The following TNS3 variants were observed in gnomAD, a reference collection of about 807,000 sequenced individuals.
TNS3 encodes the protein tensin 3, also known as tensin-3.
A neutral mutation model predicts 140.9 loss-of-function variants in TNS3; 45 were observed. The ratio of observed to expected loss-of-function variants is 0.32; its 90% CI spans 0.25 to 0.41. The LOEUF (loss-of-function observed/expected upper bound fraction) is 0.41. Among genes scored for constraint, TNS3 ranks in the 10% least tolerant of loss-of-function variants. The probability of loss-of-function intolerance (pLI) is 1.00; values close to 1 mark genes in which losing one functional copy is unlikely to be tolerated. For missense variants in TNS3, 1,716 were observed against 1,906.7 expected, an observed-to-expected ratio of 0.90 and a Z score of 1.86; for synonymous variants, 815 against 788.4, an observed-to-expected ratio of 1.03 and a Z score of -0.56.
chr7:47,324,724 C>T (rs1034669017), intron 20 of TNS3, among the ~76,000 whole-genome samples: 2 of 152,128 alleles, frequency 1.3e-5, no homozygotes, highest in Non-Finnish European at 2.9e-5. Flanking sequence ...TGCACTCTGG[C>T]TTGGGCAACA....
At chr7:47,289,999 T>G (rs967172887) in intron 27 of TNS3, among the ~76,000 whole-genome samples, 21 of 152,138 alleles carry the variant, frequency 1.4e-4, no homozygotes. Flanking sequence ...AGGATTACTA[T>G]AAAGCTAAAG....
chr7:47,482,445 A>G (rs1255547740), intron 3 of TNS3, among the ~76,000 whole-genome samples: 1 of 151,794 alleles, frequency 6.6e-6, no homozygotes, highest in Non-Finnish European at 1.5e-5. Context: ...TGATGAATGG[A>G]TGAGAGAATA....
At chr7:47,302,795 G>C (rs533127641) in intron 22 of TNS3, among the ~76,000 whole-genome samples, 155 bp downstream of exon 22, 1 of 152,206 alleles carries the variant, frequency 6.6e-6, no homozygotes, top group South Asian at 2.1e-4. Context: ...GGTTTTGGAC[G>C]AGGAAAATGG....
chr7:47,561,761 C>T (rs991310788), intron 1 of TNS3, among the ~76,000 whole-genome samples: 4 of 152,216 alleles, frequency 2.6e-5, no homozygotes, highest in Non-Finnish European at 4.4e-5. Context: ...CCCTGGCATC[C>T]GAGCTGGTCT....
At chr7:47,375,366 T>C (rs1791319677) in intron 16 of TNS3, among the ~76,000 whole-genome samples, 1 of 152,198 alleles carries the variant, frequency 6.6e-6, no homozygotes, top group Non-Finnish European at 1.5e-5. Context: ...TGGCCAGATC[T>C]TAGTTAAAAA....
chr7:47,487,458 G>C (rs1797654736), intron 3 of TNS3, among the ~76,000 whole-genome samples: 1 of 152,094 alleles, frequency 6.6e-6, no homozygotes, highest in Non-Finnish European at 1.5e-5. Context: ...ACTCTACTCT[G>C]GTATCAAGCA....
chr7:47,454,913 A>G (rs1470695718), intron 4 of TNS3, among the ~76,000 whole-genome samples: 2 of 152,094 alleles, frequency 1.3e-5, no homozygotes, highest in Non-Finnish European at 2.9e-5. Context: ...GCCCTGCAGC[A>G]GGTGGGAGGG....
At position 47,303,380 on chromosome 7, in the gene TNS3, G is replaced by C. The variant is rs763839011; in HGVS notation, c.3027C>G (p.Asp1009Glu). Reference sequence around the variant, plus strand: ...CCTGGCTGCTGGGAGGCGCCAGGGAGTCCGGTGGCTCTGCTAGGGACAGCT... The same window carrying C: ...CCTGGCTGCTGGGAGGCGCCAGGGACTCCGGTGGCTCTGCTAGGGACAGCT... ...SHELSLAEPPDSLAPPSSQAF... is the reference protein window; with the variant it reads ...SHELSLAEPPESLAPPSSQAF... The change falls in exon 22 of 31, where the codon GAC (aspartate) becomes GAG (glutamate). Residue 1009 changes from aspartate to glutamate, a missense_variant. Around this residue, in one of 3 missense-constraint regions of TNS3, gnomAD observed 1,163 missense variants for 1,182.1 expected, o/e 0.98. Coordinates refer to ENST00000311160, the MANE Select transcript of TNS3 (RefSeq NM_022748.12). 9.3e-6 allele frequency: 15 copies of C among 1,613,708 alleles called. No homozygotes were observed. The highest frequency in any genetic ancestry group is 1.7e-6 in the Non-Finnish European group (2 of 1,179,994).
chr7:47,281,765 C>T (rs1785156638), intron 28 of TNS3, among the ~76,000 whole-genome samples: 1 of 152,192 alleles, frequency 6.6e-6, no homozygotes, highest in Non-Finnish European at 1.5e-5. Context: ...GCACATAGAA[C>T]AGATCCTGTG....
At chr7:47,518,570 T>A (rs142095774) in intron 2 of TNS3, among the ~76,000 whole-genome samples, 3 of 152,352 alleles carry the variant, frequency 2.0e-5, no homozygotes, top group African/African-American at 7.2e-5. Context: ...GGCCGACGCC[T>A]GAATTCCCAG....
intron 1 of TNS3, among the ~76,000 whole-genome samples, chr7:47,576,709 C>G (rs763368155): frequency 6.6e-6 from 1 of 152,212 alleles, no homozygotes; most frequent in Non-Finnish European, 1.5e-5. Context: ...CTCTCCTGCC[C>G]GCCTGCCCTG....
intron 4 of TNS3, among the ~76,000 whole-genome samples, chr7:47,448,164 AC>A (rs1387252093): frequency 6.6e-6 from 1 of 152,182 alleles, no homozygotes; most frequent in Admixed American, 6.5e-5. Flanking sequence ...CATGGCCACC[AC>A]CCGGGCAGGA....
intron 10 of TNS3, among the ~76,000 whole-genome samples, chr7:47,420,347 A>C (rs1325607535): frequency 6.6e-6 from 1 of 152,134 alleles, no homozygotes; most frequent in East Asian, 1.9e-4. Flanking sequence ...TGCCAGGAGG[A>C]GGCCGTTTCC....
rs1368644420 is a variant in TNS3 at position 47,369,096 on chromosome 7, T to C, written c.1550A>G (p.Gln517Arg). The C allele has an allele frequency of 6.2e-7, 1 of 1,614,138 alleles. No homozygotes were observed. Among genetic ancestry groups the C allele is most frequent in the East Asian group, 2.2e-5 (1 of 44,880 alleles). ...AAAACCGTCAGATAGGAGTGAGTTC[T>C]GGCTGCTCTTGTGGCAGGTGAAGGG... ...LGPFTCHKSS[Q>R]NSLLSDGFGS... Residue 517 changes from glutamine (Q) to arginine (R), a missense_variant, in exon 17 of 31, where the codon CAG becomes CGG. Gln to Arg is a conservative substitution (Grantham distance 43, BLOSUM62 1). This residue lies in a region of TNS3 where 1,163 missense variants were observed against 1,182.1 expected (regional missense o/e 0.98). Transcript: ENST00000311160.
intron 27 of TNS3, among the ~76,000 whole-genome samples, chr7:47,286,505 A>G (rs1459907635): frequency 6.6e-6 from 1 of 152,118 alleles, no homozygotes; most frequent in Non-Finnish European, 1.5e-5. Flanking sequence ...GCCACTTGAC[A>G]GGTGCTCTTG....
At chr7:47,295,664 G>A (rs1252958343) in intron 24 of TNS3, among the ~76,000 whole-genome samples, 1 of 152,154 alleles carries the variant, frequency 6.6e-6, no homozygotes, top group African/African-American at 2.4e-5. Context: ...CTTCGGGGCT[G>A]AGCTTTGACT....
In TNS3 at chr7:47,498,042, G is replaced by A. The variant is rs575118871; in HGVS notation, c.-115+8865C>T. On this transcript the variant is annotated intron_variant, in intron 3 of 30. Coordinates refer to ENST00000311160, the MANE Select transcript of TNS3 (RefSeq NM_022748.12). ...CAGACACCCAACAACATCCCGCAGG[G>A]TGGAGGTGGGGAGTGAACCTTAACC... Among the ~76,000 whole-genome samples, 110 of 152,324 alleles carry A rather than the reference G, an allele frequency of 7.2e-4. 3 individuals carry two copies. The highest frequency in any genetic ancestry group is 2.5e-3 in the African/African-American group (103 of 41,572).
At chr7:47,471,095 A>G (rs1260856092) in intron 4 of TNS3, among the ~76,000 whole-genome samples, 1 of 152,162 alleles carries the variant, frequency 6.6e-6, no homozygotes, top group African/African-American at 2.4e-5. Context: ...CGCAGTTCCC[A>G]GAAACCCTTT....
At chr7:47,385,434 G>A (rs528902746) in intron 16 of TNS3, among the ~76,000 whole-genome samples, 15 of 152,278 alleles carry the variant, frequency 9.9e-5, no homozygotes, top group African/African-American at 3.6e-4. Context: ...GCCTCTGCAC[G>A]GAGCTGTGCC....
Sources: gnomAD v4.1 joint callset for allele counts (sites outside exome capture counted in the v4.1 genomes callset) on GRCh38, gnomAD v4.1.1 for gene constraint, gnomAD v4.1.1 regional missense constraint, MANE v1.5 for transcripts, NCBI Gene and HGNC (gene_info 2026-07-23, HGNC 2026-07-21) for gene names.